Variants in GUCY1A2 observed in about 807,000 individuals in gnomAD.
The protein encoded by GUCY1A2 is guanylate cyclase 1 soluble subunit alpha 2, also known as guanylate cyclase soluble subunit alpha-2.
Under a neutral mutation model 63.5 loss-of-function variants are expected in GUCY1A2, and 27 were observed. The ratio of observed to expected loss-of-function variants is 0.43; its 90% CI spans 0.31 to 0.59. The LOEUF (loss-of-function observed/expected upper bound fraction) is 0.59, where lower values mean the gene tolerates loss of function less well. GUCY1A2 is among the 20% of genes least tolerant of loss of function. GUCY1A2 has a pLI of 0.11. For missense variants in GUCY1A2, 768 were observed against 913.3 expected (o/e 0.84, Z 2.05); for synonymous variants, 364 against 343.5 (o/e 1.06, Z -0.66).
intron 4 of GUCY1A2, among the ~76,000 whole-genome samples, chr11:106,932,092 A>C (rs1054499178): frequency 6.6e-6 from 1 of 152,166 alleles, no homozygotes; most frequent in Non-Finnish European, 1.5e-5. Context: ...AGGAACAGTT[A>C]AAGGAAGATT....
chr11:106,797,696 A>G (rs948382046), intron 5 of GUCY1A2, among the ~76,000 whole-genome samples: 21 of 152,208 alleles, frequency 1.4e-4, no homozygotes, highest in African/African-American at 4.8e-4. Flanking sequence ...GAAGGCAAAA[A>G]TAAAGATGTT....
intron 4 of GUCY1A2, among the ~76,000 whole-genome samples, chr11:106,874,718 C>T (rs1225400026): frequency 2.6e-5 from 4 of 151,936 alleles, no homozygotes; most frequent in Admixed American, 1.3e-4. Flanking sequence ...GAACTACTCT[C>T]TCTGCCTCTT....
intron 4 of GUCY1A2, among the ~76,000 whole-genome samples, chr11:106,905,706 A>C (rs1377638844): frequency 6.6e-6 from 1 of 152,126 alleles, no homozygotes; most frequent in Non-Finnish European, 1.5e-5. Context: ...AGCACAAAGG[A>C]GGGCAGCTCA....
intron 6 of GUCY1A2, among the ~76,000 whole-genome samples, chr11:106,771,237 G>A (rs1259985872): frequency 6.6e-6 from 1 of 151,938 alleles, no homozygotes; most frequent in East Asian, 1.9e-4. Flanking sequence ...TAAGTCATAG[G>A]CAGTAATAAA....
chr11:106,857,615 A>G (rs1565311741), intron 4 of GUCY1A2, among the ~76,000 whole-genome samples: 1 of 152,134 alleles, frequency 6.6e-6, no homozygotes, highest in Non-Finnish European at 1.5e-5. Flanking sequence ...AGTTTTTTCG[A>G]GAACGTACAG....
chr11:106,764,974 G>C (rs1389521608), intron 6 of GUCY1A2, among the ~76,000 whole-genome samples: 1 of 94,740 alleles, frequency 1.1e-5, no homozygotes, highest in South Asian at 3.4e-4. Context: ...TTTTTTTGGG[G>C]GGGGGTTGGG....
intron 3 of GUCY1A2, among the ~76,000 whole-genome samples, chr11:106,948,935 A>C (rs1221372688): frequency 6.6e-6 from 1 of 152,228 alleles, no homozygotes. Context: ...TAAATATTTT[A>C]GAAGATCTAG....
chr11:106,896,070 C>T lies in GUCY1A2; in HGVS notation c.1206+43390G>A, dbSNP rs1023476823. On this transcript the variant is annotated intron_variant, in intron 4 of 7. Coordinates refer to ENST00000526355, the MANE Select transcript of GUCY1A2 (RefSeq NM_000855.3). ...ATACAGATATATATACACACATATA[C>T]GTATATATTCACAAATCAAATCCAA... Among the ~76,000 whole-genome samples the T allele has an allele frequency of 4.7e-5, 7 of 150,128 alleles. No homozygotes were observed. The South Asian group carries it at 8.4e-4, about 18-fold the overall frequency.
In GUCY1A2 at chr11:106,940,173, T is replaced by C. The variant is rs1202632638; in HGVS notation, c.493A>G (p.Lys165Glu). The change falls in exon 4 of 8, where the codon AAG becomes GAG. Residue 165 changes from lysine to glutamate, a missense_variant. By Grantham distance (56) the Lys-to-Glu change is moderately conservative (BLOSUM62 1). Coordinates refer to ENST00000526355, the MANE Select transcript of GUCY1A2 (RefSeq NM_000855.3). ...LQCTANILGL[K>E]FEEIQKRFGE... ...AATCTTTTTTGAATTTCCTCAAACT[T>C]CAAACCTAGAGGTAAATGGGAAGCA... 13 of 1,481,410 alleles carry C rather than the reference T, an allele frequency of 8.8e-6. No individual in the cohort carries two copies. The highest frequency in any genetic ancestry group is 1.2e-5 in the South Asian group (1 of 86,644). 91.8% of individuals were successfully genotyped at this position (1,481,410 alleles called of 1,614,324 possible). A position where few individuals can be genotyped will look rare whatever the true frequency, so the allele number is the denominator to read the frequency against.
intron 5 of GUCY1A2, among the ~76,000 whole-genome samples, chr11:106,782,103 C>G (rs1864475501): frequency 6.6e-6 from 1 of 152,164 alleles, no homozygotes; most frequent in African/African-American, 2.4e-5. Context: ...AGGCAATTAA[C>G]CATCCCTGTT....
chr11:106,898,280 GT>G (rs1257648490), intron 4 of GUCY1A2, among the ~76,000 whole-genome samples: 2 of 152,212 alleles, frequency 1.3e-5, no homozygotes, highest in African/African-American at 4.8e-5. Flanking sequence ...TTGGAAGACA[GT>G]TTGGCAGTTT....
At chr11:106,984,788 G>A (rs1440875021) in intron 2 of GUCY1A2, among the ~76,000 whole-genome samples, 1 of 152,120 alleles carries the variant, frequency 6.6e-6, no homozygotes, top group Admixed American at 6.5e-5. Flanking sequence ...GAGTGATTAA[G>A]TTTTATTTCA....
intron 4 of GUCY1A2, among the ~76,000 whole-genome samples, chr11:106,918,383 T>C (rs1001513841): frequency 2.1e-5 from 3 of 145,802 alleles, no homozygotes; most frequent in East Asian, 2.1e-4. Flanking sequence ...TGAAAGCAAA[T>C]ATTTTACCCA....
At chr11:106,905,987 A>G (rs894418318) in intron 4 of GUCY1A2, among the ~76,000 whole-genome samples, 1 of 152,110 alleles carries the variant, frequency 6.6e-6, no homozygotes, top group Admixed American at 6.6e-5. Context: ...AACTACAAAA[A>G]CCCTAGAAGA....
intron 5 of GUCY1A2, among the ~76,000 whole-genome samples, chr11:106,794,594 A>G (rs1225535293): frequency 6.6e-6 from 1 of 152,128 alleles, no homozygotes; most frequent in Non-Finnish European, 1.5e-5. Context: ...TATACAATCT[A>G]TGCATATATC....
intron 4 of GUCY1A2, among the ~76,000 whole-genome samples, chr11:106,928,283 C>G (rs1860555744): frequency 6.6e-6 from 1 of 152,136 alleles, no homozygotes; most frequent in Admixed American, 6.6e-5. Flanking sequence ...GACATGTAAG[C>G]TTGAAATCTC....
At chr11:106,721,244 A>G (rs1468238365) in intron 6 of GUCY1A2, among the ~76,000 whole-genome samples, 1 of 152,022 alleles carries the variant, frequency 6.6e-6, no homozygotes, top group African/African-American at 2.4e-5. Context: ...TCTTTAGTAG[A>G]GACGGGGTTT....
intron 7 of GUCY1A2, among the ~76,000 whole-genome samples, chr11:106,692,143 T>C (rs1192761743): frequency 1.3e-5 from 2 of 152,186 alleles, no homozygotes; most frequent in African/African-American, 4.8e-5. Flanking sequence ...TCTAAAGCTC[T>C]GCCTAACAAT....
chr11:106,997,617 A>ACACCCCC (rs1861556528), intron 1 of GUCY1A2, among the ~76,000 whole-genome samples: 1 of 119,764 alleles, frequency 8.3e-6, no homozygotes, highest in African/African-American at 3.2e-5. Context: ...AAGATAGGGA[A>ACACCCCC]CCCCCCCCCC....
Sources: gnomAD v4.1 joint callset for allele counts (sites outside exome capture counted in the v4.1 genomes callset) on GRCh38, gnomAD v4.1.1 for gene constraint, MANE v1.5 for transcripts, NCBI Gene and HGNC (gene_info 2026-07-23, HGNC 2026-07-21) for gene names.